SELENOT: variants seen among roughly 807,000 people sequenced by gnomAD.
The protein encoded by SELENOT is thioredoxin reductase-like selenoprotein T.
SELENOT carries 9 observed loss-of-function variants against 24.3 expected under a neutral mutation model. The ratio of observed to expected loss-of-function variants is 0.37; its 90% CI spans 0.22 to 0.65. SELENOT has a LOEUF of 0.65. SELENOT is among the 30% of genes least tolerant of loss of function. SELENOT has a pLI of 0.60. For synonymous variants in SELENOT, 81 were observed against 86.0 expected (o/e 0.94, Z 0.32); for missense variants, 166 against 247.6 (o/e 0.67, Z 2.21).
chr3:150,617,169 T>G (rs902562377), intron 1 of SELENOT, among the ~76,000 whole-genome samples: 4 of 152,216 alleles, frequency 2.6e-5, no homozygotes, highest in African/African-American at 7.2e-5. Flanking sequence ...TAAGGAAAAT[T>G]ATATTCAGAG....
intron 4 of SELENOT, among the ~76,000 whole-genome samples, chr3:150,626,438 G>A (rs1726446870): frequency 1.3e-5 from 2 of 152,132 alleles, no homozygotes; most frequent in African/African-American, 4.8e-5. Flanking sequence ...TACAAGAGTT[G>A]AATAGCTGTG....
In SELENOT at chr3:150,603,408, C is replaced by A. The variant is rs535843284; in HGVS notation, c.46C>A (p.Arg16=). 7.4e-6 allele frequency: 12 copies of A among 1,613,236 alleles called. No homozygotes were observed. The highest frequency in any genetic ancestry group is 1.0e-5 in the Non-Finnish European group (12 of 1,179,386). The change falls in exon 1 of 6, where the codon CGG becomes AGG. Residue 16 remains arginine, a synonymous_variant. Transcript: ENST00000471696. ...LLLVAASAMV[R]SEASANLGGV... ...CCTAGTGGCGGCGTCTGCGATGGTC[C>A]GGAGCGAGGCCTCGGCCAATCTGGG...
At chr3:150,609,844 C>T (rs1240621412) in intron 1 of SELENOT, among the ~76,000 whole-genome samples, 5 of 152,160 alleles carry the variant, frequency 3.3e-5, no homozygotes, top group Non-Finnish European at 7.3e-5. Flanking sequence ...CTTGACCTTT[C>T]TGTCTACCTT....
At chr3:150,605,361 G>T (rs988803853) in intron 1 of SELENOT, among the ~76,000 whole-genome samples, 3 of 151,848 alleles carry the variant, frequency 2.0e-5, no homozygotes, top group Non-Finnish European at 2.9e-5. Context: ...TTTACCAGGT[G>T]TATCTTCCAC....
chr3:150,603,920 C>T (rs1725901229), intron 1 of SELENOT, among the ~76,000 whole-genome samples: 1 of 152,208 alleles, frequency 6.6e-6, no homozygotes, highest in South Asian at 2.1e-4. Flanking sequence ...CCCTCTTTTC[C>T]GGGGTAATGC....
At chr3:150,617,421 TG>T (rs1652825533) in intron 1 of SELENOT, among the ~76,000 whole-genome samples, 1 of 152,182 alleles carries the variant, frequency 6.6e-6, no homozygotes, top group African/African-American at 2.4e-5. Flanking sequence ...GGCAACATAG[TG>T]AGATCTCATC....
intron 1 of SELENOT, chr3:150,603,715 C>G: frequency 2.1e-6 from 1 of 475,752 alleles, no homozygotes; most frequent in South Asian, 3.2e-5. Context: ...TTTTTGCCTC[C>G]TAGAACAGTG....
At chr3:150,617,506 A>G (rs1726243378) in intron 1 of SELENOT, among the ~76,000 whole-genome samples, 1 of 152,210 alleles carries the variant, frequency 6.6e-6, no homozygotes, top group South Asian at 2.1e-4. Context: ...AGACTGAGGC[A>G]GAAGGATTGC....
chr3:150,626,254 C>T (rs1377220330), intron 4 of SELENOT, among the ~76,000 whole-genome samples: 1 of 152,148 alleles, frequency 6.6e-6, no homozygotes, highest in Non-Finnish European at 1.5e-5. Context: ...ACTTTGTTCT[C>T]AAGATAAAGA....
chr3:150,627,160 T>G lies in SELENOT; in HGVS notation c.*26T>G. 6.3e-7 allele frequency: 1 copy of G among 1,598,822 alleles called. No homozygotes were observed. The highest frequency in any genetic ancestry group is 8.5e-7 in the Non-Finnish European group (1 of 1,171,800). On this transcript the variant is annotated 3_prime_UTR_variant, in exon 5 of 6. Coordinates refer to ENST00000471696, the MANE Select transcript of SELENOT (RefSeq NM_016275.5). ...CACCACCTATCAGCACTGAAAACTC[T>G]TTTGTAAGTTGTTTAAAATATAGCT...
rs905137028 is a variant in SELENOT at position 150,627,285 on chromosome 3, ATTC to A, written c.*29+126_*29+128del. 4 of 753,416 alleles carry A rather than the reference ATTC, an allele frequency of 5.3e-6. No homozygotes were observed. In the African/African-American group the frequency reaches 7.1e-5, roughly 13 times the overall value. The allele number at this position is 753,416 out of a possible 1,614,324, so 46.7% of individuals were successfully genotyped here. Reference sequence around the variant, plus strand: ...AATTTAAGATTAAACAGAGGGATGTATTCTTCATTAAAATGTTGAAGTGTATGA... The same window carrying A: ...AATTTAAGATTAAACAGAGGGATGTATTCATTAAAATGTTGAAGTGTATGA... On this transcript the variant is annotated intron_variant, in intron 5 of 5. Coordinates refer to ENST00000471696, the MANE Select transcript of SELENOT (RefSeq NM_016275.5).
intron 1 of SELENOT, among the ~76,000 whole-genome samples, chr3:150,612,056 C>T (rs574129842): frequency 6.6e-6 from 1 of 152,188 alleles, no homozygotes; most frequent in South Asian, 2.1e-4. Context: ...TCGAGCGTCT[C>T]CTGGAATGGA....
chr3:150,611,886 G>C, intron 1 of SELENOT: 1 of 1,016,844 alleles, frequency 9.8e-7, no homozygotes, highest in Non-Finnish European at 1.4e-6. Flanking sequence ...ATGTCTCCGA[G>C]CTCCGGGGTA....
chr3:150,613,165 G>A (rs189004492), intron 1 of SELENOT, among the ~76,000 whole-genome samples: 1 of 152,252 alleles, frequency 6.6e-6, no homozygotes, highest in East Asian at 1.9e-4. Flanking sequence ...AGTTCTGGAG[G>A]CTGGGAAGTC....
rs899912591 is a variant in SELENOT, at chr3:150,629,724, G to A, written c.*2095G>A. 6.6e-5 allele frequency: 10 copies of A among 152,460 alleles called. No homozygotes were observed. The highest frequency in any genetic ancestry group is 1.3e-4 in the Non-Finnish European group (9 of 68,024). 9.4% of individuals were successfully genotyped at this position (152,460 alleles called of 1,614,324 possible). ...TTGACGCTCATCTCTTTTGTCTTAC[G>A]CTTAGCCATATTTAAATCTTGAATT... is the stretch of plus-strand genomic sequence containing the variant. On this transcript the variant is annotated 3_prime_UTR_variant, in exon 6 of 6. Transcript: ENST00000471696.
At chr3:150,618,844 A>C (rs544031878) in intron 1 of SELENOT, 1 of 152,284 alleles carries the variant, frequency 6.6e-6, no homozygotes, top group South Asian at 2.1e-4. Flanking sequence ...TTTAAAAAGC[A>C]CAAAACCAAT....
At position 150,603,585 on chromosome 3, in the gene SELENOT, A is replaced by G; in HGVS notation, c.137+86A>G. On this transcript the variant is annotated intron_variant, in intron 1 of 5. Transcript: ENST00000471696. ...CGCGAGGCCCCGGCTTCGCGGCCTA[A>G]ATGGCCGCATCTTCGCTGGCCTCGT... The G allele has an allele frequency of 2.1e-6, 3 of 1,399,312 alleles. No homozygotes were observed. In the South Asian group the frequency reaches 4.3e-5, roughly 20 times the overall value. 86.7% of individuals were successfully genotyped at this position (1,399,312 alleles called of 1,614,324 possible). A position where few individuals can be genotyped will look rare whatever the true frequency, so the allele number is the denominator to read the frequency against.
chr3:150,603,356 A>T lies in SELENOT; in HGVS notation c.-7A>T, dbSNP rs550316248. ...TGAGGGCGGCCGAAGTGGCTGGCTC[A>T]TTTAAGATGAGGCTTCTGCTGCTTC... On this transcript the variant is annotated 5_prime_UTR_variant, in exon 1 of 6. Coordinates refer to ENST00000471696, the MANE Select transcript of SELENOT (RefSeq NM_016275.5). The T allele has an allele frequency of 1.4e-5, 23 of 1,609,098 alleles. No individual in the cohort carries two copies. The highest frequency in any genetic ancestry group is 1.7e-5 in the Non-Finnish European group (20 of 1,176,726).
In SELENOT at chr3:150,630,192, C is replaced by A. The variant is rs529862160; in HGVS notation, c.*2563C>A. ...ACAGCTATCAAAATATAATGAGATCCCAATGATGATTCTTTTTTACTTTGA... is the reference window on the plus strand; with the variant it reads ...ACAGCTATCAAAATATAATGAGATCACAATGATGATTCTTTTTTACTTTGA... On this transcript the variant is annotated 3_prime_UTR_variant, in exon 6 of 6. Coordinates refer to ENST00000471696, the MANE Select transcript of SELENOT (RefSeq NM_016275.5). The A allele has an allele frequency of 5.9e-5, 9 of 152,174 alleles. No homozygotes were observed. Among genetic ancestry groups the A allele is most frequent in the Non-Finnish European group, 1.2e-4 (8 of 67,998 alleles). 9.4% of individuals were successfully genotyped at this position (152,174 alleles called of 1,614,324 possible).
Sources: allele counts gnomAD v4.1 joint callset (sites outside exome capture counted in the v4.1 genomes callset), GRCh38; gene constraint gnomAD v4.1.1; transcripts MANE v1.5; gene names NCBI Gene and HGNC (gene_info 2026-07-23, HGNC 2026-07-21).